ECRG4: variants seen among roughly 807,000 people sequenced by gnomAD.
ECRG4 encodes the protein augurin.
A neutral mutation model predicts 15.8 loss-of-function variants in ECRG4; 18 were observed. The observed-to-expected ratio is 1.14, with a 90% CI of 0.79 to 1.69. The LOEUF (loss-of-function observed/expected upper bound fraction) is 1.69. Ranked by LOEUF, ECRG4 falls within the 40% of genes most tolerant of loss-of-function variation. The pLI is 0.00. For missense variants in ECRG4, 200 were observed against 190.9 expected, an observed-to-expected ratio of 1.05 and a Z score of -0.28; for synonymous variants, 82 against 73.9, an observed-to-expected ratio of 1.11 and a Z score of -0.56.
chr2:106,076,728 G>A (rs1028598231), intron 3 of ECRG4, among the ~76,000 whole-genome samples: 1 of 152,202 alleles, frequency 6.6e-6, no homozygotes, highest in Admixed American at 6.5e-5. Context: ...AGGAGGCATG[G>A]AGTGGCTGGT....
At chr2:106,069,981 C>CGCCG (rs1438864630) in intron 1 of ECRG4, among the ~76,000 whole-genome samples, 3 of 152,208 alleles carry the variant, frequency 2.0e-5, no homozygotes, top group African/African-American at 7.2e-5. Flanking sequence ...CTATGCACTA[C>CGCCG]GCCGATATCT....
chr2:106,063,603 G>A (rs888730622), upstream of ECRG4, among the ~76,000 whole-genome samples: 55 of 152,056 alleles, frequency 3.6e-4, no homozygotes, highest in African/African-American at 1.3e-3. Flanking sequence ...TTTTTTTTTA[G>A]ATAGTGTCTC....
intron 1 of ECRG4, chr2:106,070,791 C>T: frequency 2.8e-6 from 1 of 359,610 alleles, no homozygotes; most frequent in Non-Finnish European, 5.7e-6. Flanking sequence ...CCTTTCTAGA[C>T]CCCCTGGAGC....
intron 1 of ECRG4, among the ~76,000 whole-genome samples, chr2:106,067,235 C>A (rs988836911): frequency 1.3e-5 from 2 of 151,596 alleles, no homozygotes; most frequent in African/African-American, 4.9e-5. Context: ...GAGATTGCGG[C>A]GAGCTGAGAT....
At chr2:106,065,611 C>G (rs1676191288), upstream of ECRG4, 1 of 494,968 alleles carries the variant, frequency 2.0e-6, no homozygotes. Flanking sequence ...CCTCAGCCCT[C>G]TGGCGCGGCG....
intron 2 of ECRG4, chr2:106,072,253 T>C: frequency 5.4e-6 from 1 of 186,200 alleles, no homozygotes; most frequent in Non-Finnish European, 1.1e-5. Context: ...GGAACAGCAG[T>C]GTTGCGGTAG....
rs775203719 is a variant in ECRG4, at chr2:106,065,827, C to A, written c.63C>A (p.Leu21=). The stretch of plus-strand genomic sequence containing the variant: ...TGACCGGGCTGGCGCTGCTCCTGCT[C>A]CTGTGCTGGGGCCCAGGTGAGCGGG... ...LALTGLALLL[L]LCWGPGGISG... is the part of the protein sequence containing the mutation. The change falls in exon 1 of 4, where the codon CTC becomes CTA. Residue 21 remains leucine, a synonymous_variant. Coordinates refer to ENST00000238044, the MANE Select transcript of ECRG4 (RefSeq NM_032411.3). 9 of 1,485,538 alleles carry A rather than the reference C, an allele frequency of 6.1e-6. No individual in the cohort carries two copies. The highest frequency in any genetic ancestry group is 8.0e-6 in the Non-Finnish European group (9 of 1,124,456). 92.0% of individuals were successfully genotyped at this position (1,485,538 alleles called of 1,614,324 possible). A position where few individuals can be genotyped will look rare whatever the true frequency, so the allele number is the denominator to read the frequency against.
chr2:106,076,263 G>C lies in ECRG4; in HGVS notation c.286-1502G>C, dbSNP rs1394471774. The stretch of plus-strand genomic sequence containing the variant: ...AACCTGGTGGGGGGTGGAGCTTGCA[G>C]TGAGCTGAGATCATGCCACTTCACT... On this transcript the variant is annotated intron_variant, in intron 3 of 3. Transcript: ENST00000238044. Among the ~76,000 whole-genome samples, 4 of 152,200 alleles carry C rather than the reference G, an allele frequency of 2.6e-5. No individual in the cohort carries two copies. In the East Asian group the frequency reaches 7.7e-4, roughly 29 times the overall value.
At chr2:106,073,673 A>G in intron 2 of ECRG4, 1 of 604,710 alleles carries the variant, frequency 1.7e-6, no homozygotes, top group Non-Finnish European at 2.9e-6. Context: ...ATGCCCCTTT[A>G]TAGGGTTGTA....
intron 3 of ECRG4, among the ~76,000 whole-genome samples, chr2:106,076,030 G>A (rs771830596): frequency 2.0e-5 from 3 of 152,114 alleles, no homozygotes; most frequent in Non-Finnish European, 4.4e-5. Flanking sequence ...CTTGTAAAAT[G>A]AGAGGCTGGG....
At chr2:106,069,375 G>C (rs2377448) in intron 1 of ECRG4, among the ~76,000 whole-genome samples, 145,611 of 147,286 alleles carry the variant, frequency 0.99, 71,996 homozygotes, top group Middle Eastern at 1. Context: ...ACTCTGTCAC[G>C]CAGAATGGAG....
At chr2:106,074,243 G>C in intron 3 of ECRG4, 200 bp downstream of exon 3, 1 of 610,334 alleles carries the variant, frequency 1.6e-6, no homozygotes, top group Non-Finnish European at 2.8e-6. Context: ...GTTTCCACCA[G>C]GGTACATTCA....
intron 2 of ECRG4, 76 bp from the exon 3 acceptor site, chr2:106,073,810 G>A: frequency 3.9e-6 from 6 of 1,556,666 alleles, no homozygotes; most frequent in Middle Eastern, 3.4e-4. Context: ...GGGATGGGAT[G>A]TATAACAGGG....
At chr2:106,074,770 C>G (rs1164923909) in intron 3 of ECRG4, among the ~76,000 whole-genome samples, 1 of 152,198 alleles carries the variant, frequency 6.6e-6, no homozygotes, top group Non-Finnish European at 1.5e-5. Context: ...GCTGCCCCAC[C>G]AGGGAGCAGA....
Position 106,078,016 on chromosome 2 carries a change from T to A in ECRG4, c.*90T>A. Reference sequence around the variant, plus strand: ...TTACACTACTTGGTTTCTGATTTGCTCTATTTCAGCAGATCTTTTCTACCT... The same window carrying A: ...TTACACTACTTGGTTTCTGATTTGCACTATTTCAGCAGATCTTTTCTACCT... On this transcript the variant is annotated 3_prime_UTR_variant, in exon 4 of 4. Transcript: ENST00000238044. 7.8e-7 allele frequency: 1 copy of A among 1,286,820 alleles called. No individual in the cohort carries two copies. 79.7% of individuals were successfully genotyped at this position (1,286,820 alleles called of 1,614,324 possible).
chr2:106,075,974 TA>T (rs999568095), intron 3 of ECRG4, among the ~76,000 whole-genome samples: 1 of 152,204 alleles, frequency 6.6e-6, no homozygotes, highest in Non-Finnish European at 1.5e-5. Context: ...TCAAAGATTT[TA>T]AAAAATTTTT....
intron 1 of ECRG4, among the ~76,000 whole-genome samples, chr2:106,068,413 G>T (rs1676269780): frequency 6.6e-6 from 1 of 152,148 alleles, no homozygotes; most frequent in Admixed American, 6.5e-5. Context: ...TTAGTGTAGT[G>T]TCCAGTTATA....
At position 106,074,038 on chromosome 2, in the gene ECRG4, G is replaced by A. The variant is rs1298098125; in HGVS notation, c.280G>A (p.Glu94Lys). 1.2e-6 allele frequency: 2 copies of A among 1,612,304 alleles called. No individual in the cohort carries two copies. Among genetic ancestry groups the A allele is most frequent in the South Asian group, 1.1e-5 (1 of 91,000 alleles). ...GCAGTTTCTCTACATGGGCTTTGAC[G>A]AAGCGGTAGGTGTTGCCTCCGGCTG... ...YQQFLYMGFD[E>K]AKFEDDITYW... The change falls in exon 3 of 4, where the codon GAA (glutamate) becomes AAA (lysine). Residue 94 changes from glutamate to lysine, a missense_variant. Glu to Lys is a moderately conservative substitution (Grantham distance 56). Coordinates refer to ENST00000238044, the MANE Select transcript of ECRG4 (RefSeq NM_032411.3).
upstream of ECRG4, among the ~76,000 whole-genome samples, chr2:106,065,479 G>C (rs1425441066): frequency 6.6e-6 from 1 of 151,540 alleles, no homozygotes. Flanking sequence ...CCCCGCCGCC[G>C]GCGGTTCTCC....
Sources: gnomAD v4.1 joint callset for allele counts (sites outside exome capture counted in the v4.1 genomes callset) on GRCh38, gnomAD v4.1.1 for gene constraint, MANE v1.5 for transcripts, NCBI Gene and HGNC (gene_info 2026-07-23, HGNC 2026-07-21) for gene names.